Variants in ATXN8OS observed in about 807,000 individuals in gnomAD.
ATXN8OS encodes the protein ATXN8 opposite strand lncRNA.
intron 3 of ATXN8OS, among the ~76,000 whole-genome samples, chr13:70,136,321 T>C (rs1319257592): frequency 3.3e-5 from 5 of 152,302 alleles, no homozygotes; most frequent in African/African-American, 1.2e-4. Context: ...TGAGGTCTCC[T>C]ATTTTTTAAT....
intron 1 of ATXN8OS, among the ~76,000 whole-genome samples, chr13:70,112,635 A>G (rs1462299001): frequency 6.6e-6 from 1 of 152,010 alleles, no homozygotes; most frequent in Non-Finnish European, 1.5e-5. Context: ...TAATCCACTC[A>G]ACCTCCTTGG....
chr13:70,129,652 A>C, intron 2 of ATXN8OS: 2 of 395,320 alleles, frequency 5.1e-6, no homozygotes, highest in East Asian at 7.2e-5. Flanking sequence ...AAGGTGTTTG[A>C]TGTTTAAAGT....
At chr13:70,124,749 T>C (rs1888404880) in intron 2 of ATXN8OS, among the ~76,000 whole-genome samples, 1 of 152,090 alleles carries the variant, frequency 6.6e-6, no homozygotes, top group Non-Finnish European at 1.5e-5. Context: ...CACTATTTTT[T>C]TCAACCACTA....
At chr13:70,132,282 A>G (rs998864937) in intron 3 of ATXN8OS, among the ~76,000 whole-genome samples, 1 of 147,796 alleles carries the variant, frequency 6.8e-6, no homozygotes, top group African/African-American at 2.5e-5. Flanking sequence ...GGAATACTAC[A>G]CAGCCATAAA....
chr13:70,115,006 A>T (rs1888253120), intron 1 of ATXN8OS: 1 of 390,288 alleles, frequency 2.6e-6, no homozygotes, highest in Admixed American at 4.5e-5. Context: ...TGGTATTCTC[A>T]AAATTGAGCT....
intron 2 of ATXN8OS, among the ~76,000 whole-genome samples, chr13:70,120,525 G>A (rs1423908731): frequency 6.6e-6 from 1 of 152,120 alleles, no homozygotes; most frequent in Non-Finnish European, 1.5e-5. Context: ...CTGAACACTT[G>A]CTTTAGGCAT....
chr13:70,151,949 C>T (rs1888873587), intron 4 of ATXN8OS, among the ~76,000 whole-genome samples: 1 of 152,020 alleles, frequency 6.6e-6, no homozygotes, highest in Non-Finnish European at 1.5e-5. Context: ...GTTTAAAACC[C>T]TTCAATGGTT....
intron 3 of ATXN8OS, among the ~76,000 whole-genome samples, chr13:70,146,875 T>C (rs1353222220): frequency 1.3e-5 from 2 of 152,306 alleles, no homozygotes; most frequent in East Asian, 3.9e-4. Context: ...GTAACTAACG[T>C]GCACATTGTG....
chr13:70,141,423 T>C (rs1888713962), intron 3 of ATXN8OS, among the ~76,000 whole-genome samples: 1 of 152,198 alleles, frequency 6.6e-6, no homozygotes, highest in African/African-American at 2.4e-5. Flanking sequence ...TGAAAGTATT[T>C]ATAACTGCAA....
At chr13:70,114,903 G>A (rs1397749012) in intron 1 of ATXN8OS, among the ~76,000 whole-genome samples, 1 of 151,710 alleles carries the variant, frequency 6.6e-6, no homozygotes, top group Non-Finnish European at 1.5e-5. Flanking sequence ...TAACGTATGA[G>A]AACTAAAAAA....
chr13:70,158,349 C>T (rs1488376078), intron 4 of ATXN8OS, among the ~76,000 whole-genome samples: 3 of 152,066 alleles, frequency 2.0e-5, no homozygotes, highest in East Asian at 3.9e-4. Context: ...ACCTGGGAGG[C>T]GGAGCTTGCA....
intron 3 of ATXN8OS, among the ~76,000 whole-genome samples, chr13:70,143,830 G>A (rs1888747659): frequency 6.6e-6 from 1 of 152,084 alleles, no homozygotes; most frequent in African/African-American, 2.4e-5. Context: ...TGGGAGTATG[G>A]AAATTAGTTA....
intron 4 of ATXN8OS, among the ~76,000 whole-genome samples, chr13:70,164,449 G>A (rs1424493814): frequency 1.3e-5 from 2 of 151,862 alleles, no homozygotes; most frequent in African/African-American, 4.8e-5. Flanking sequence ...TATTCTGCAA[G>A]TGAAATTGAA....
chr13:70,119,013 AAATC>A (rs1391876277), intron 2 of ATXN8OS, among the ~76,000 whole-genome samples: 1 of 152,118 alleles, frequency 6.6e-6, no homozygotes, highest in East Asian at 1.9e-4. Flanking sequence ...ATATTTCAAT[AAATC>A]AATCAGTCAG....
chr13:70,128,338 A>G (rs758644433), intron 2 of ATXN8OS, among the ~76,000 whole-genome samples: 2 of 152,144 alleles, frequency 1.3e-5, no homozygotes, highest in Admixed American at 6.5e-5. Flanking sequence ...TGATGTTCAT[A>G]CCCACTGTTC....
intron 3 of ATXN8OS, among the ~76,000 whole-genome samples, chr13:70,136,909 T>C (rs1235645161): frequency 1.3e-5 from 2 of 152,206 alleles, no homozygotes; most frequent in Non-Finnish European, 2.9e-5. Flanking sequence ...TTCAGTTTAA[T>C]AGAAGCGTGT....
At chr13:70,118,973 A>G (rs578108329) in intron 2 of ATXN8OS, among the ~76,000 whole-genome samples, 12 of 152,130 alleles carry the variant, frequency 7.9e-5, no homozygotes, top group Middle Eastern at 6.8e-3. Flanking sequence ...AAAATATGTC[A>G]AGCCATGGAA....
chr13:70,115,877 T>G lies in ATXN8OS; in HGVS notation n.398+579T>G, dbSNP rs371102934. ...ATATTTTGGTGCCCTCATTTGTATT[T>G]CTAAAGTACTATAAAATACTCAAGA... is the stretch of plus-strand genomic sequence containing the variant. On this transcript the variant is annotated intron_variant and non_coding_transcript_variant, in intron 2 of 4. Coordinates refer to ENST00000678624, the Ensembl canonical transcript of ATXN8OS. 5.6e-4 allele frequency among the ~76,000 whole-genome samples: 86 copies of G among 152,232 alleles called. 3 individuals are homozygous for G. In the South Asian group the frequency reaches 0.018, roughly 32 times the overall value.
intron 4 of ATXN8OS, among the ~76,000 whole-genome samples, chr13:70,160,101 A>G (rs1888985816): frequency 6.6e-6 from 1 of 152,170 alleles, no homozygotes; most frequent in South Asian, 2.1e-4. Flanking sequence ...AAAATAGAAT[A>G]TGCCAGAATG....
Sources: gnomAD v4.1 joint callset for allele counts (sites outside exome capture counted in the v4.1 genomes callset) on GRCh38, gnomAD v4.1.1 for gene constraint, MANE v1.5 for transcripts, NCBI Gene and HGNC (gene_info 2026-07-23, HGNC 2026-07-21) for gene names.